HEATR5B: variants seen among roughly 807,000 people sequenced by gnomAD.
HEATR5B encodes HEAT repeat containing 5B.
A neutral mutation model predicts 224.1 loss-of-function variants in HEATR5B; 156 were observed. The observed-to-expected ratio is 0.70, with a 90% CI of 0.61 to 0.80. The LOEUF (loss-of-function observed/expected upper bound fraction) is 0.80, where lower values mean the gene tolerates loss of function less well. HEATR5B is among the 30% of genes least tolerant of loss of function. HEATR5B has a pLI of 0.00. For missense variants in HEATR5B, 2,323 were observed against 2,535.5 expected (o/e 0.92, Z 1.80); for synonymous variants, 1,027 against 893.0 (o/e 1.15, Z -2.68).
At position 37,020,793 on chromosome 2, in the gene HEATR5B, T is replaced by C; in HGVS notation, c.3897A>G (p.Ala1299=). Residue 1299 remains alanine (A), a synonymous_variant, in exon 25 of 36, where the codon GCA becomes GCG. Coordinates refer to ENST00000233099, the MANE Select transcript of HEATR5B (RefSeq NM_019024.3). ...TGCTATGATCAGTTGCAGCCATGAA[T>C]GCCATGCGAATGAGGTCAGAGAGAT... The part of the protein sequence containing the change: ...VLHLSDLIRM[A]FMAATDHSNQ... 2 of 1,599,846 alleles carry C rather than the reference T, an allele frequency of 1.3e-6. No homozygotes were observed. Among genetic ancestry groups the C allele is most frequent in the African/African-American group, 2.7e-5 (2 of 74,044 alleles).
At chr2:37,014,046 T>G (rs1156614376) in intron 26 of HEATR5B, 26 bp from the exon 27 acceptor site, 1 of 1,405,196 alleles carries the variant, frequency 7.1e-7, no homozygotes, top group Non-Finnish European at 9.6e-7. Context: ...TCAAAAACTT[T>G]TGTGTAAAAA....
chr2:37,021,737 A>T (rs897851108), intron 24 of HEATR5B, among the ~76,000 whole-genome samples: 1 of 151,974 alleles, frequency 6.6e-6, no homozygotes, highest in African/African-American at 2.4e-5. Context: ...ACATACAAAA[A>T]TTAGCTGGGC....
Position 37,013,924 on chromosome 2 carries a change from C to A in HEATR5B, c.4201G>T (p.Ala1401Ser). 1 of 1,612,962 alleles carries A rather than the reference C, an allele frequency of 6.2e-7. No homozygotes were observed. The highest frequency in any genetic ancestry group is 1.1e-5 in the South Asian group (1 of 90,806). The change falls in exon 27 of 36, where the codon GCT becomes TCT. Residue 1401 changes from alanine (A) to serine (S), a missense_variant. By Grantham distance (99) the Ala-to-Ser change is moderately conservative. This residue lies in a region of HEATR5B where 844 missense variants were observed against 812.9 expected (regional missense o/e 1.04). Coordinates refer to ENST00000233099, the MANE Select transcript of HEATR5B (RefSeq NM_019024.3). ...LLVSSLDKVQ[A>S]GKGSSSQLYR... ...AGCTGGCTGGAAGATCCTTTTCCAGCCTGAACTTTGTCCAGAGAAGAAACA... is the reference window on the plus strand; with the variant it reads ...AGCTGGCTGGAAGATCCTTTTCCAGACTGAACTTTGTCCAGAGAAGAAACA...
At chr2:37,080,437 G>A (rs1672484668) in intron 2 of HEATR5B, among the ~76,000 whole-genome samples, 1 of 152,204 alleles carries the variant, frequency 6.6e-6, no homozygotes, top group Admixed American at 6.5e-5. Flanking sequence ...GGTAACCATA[G>A]AGATGATAAA....
intron 1 of HEATR5B, among the ~76,000 whole-genome samples, chr2:37,083,765 A>G (rs1440818101): frequency 1.3e-5 from 2 of 152,204 alleles, no homozygotes; most frequent in African/African-American, 4.8e-5. Flanking sequence ...CTGAAGCACT[A>G]AGATCAAACA....
At chr2:37,056,921 C>T (rs1670949136) in intron 15 of HEATR5B, among the ~76,000 whole-genome samples, 1 of 152,198 alleles carries the variant, frequency 6.6e-6, no homozygotes, top group Admixed American at 6.5e-5. Context: ...GCTTTAATCA[C>T]TCTTTAAAAA....
At chr2:37,076,376 G>A (rs1040395626) in intron 4 of HEATR5B, among the ~76,000 whole-genome samples, 15 of 152,258 alleles carry the variant, frequency 9.9e-5, no homozygotes, top group Middle Eastern at 6.8e-3. Context: ...AAAGGGACAG[G>A]AAAAAGGTGA....
intron 21 of HEATR5B, 99 bp from the exon 22 acceptor site, chr2:37,032,872 A>T: frequency 5.3e-6 from 5 of 937,258 alleles, no homozygotes; most frequent in Non-Finnish European, 4.5e-6. Context: ...ATACATATAT[A>T]TGTTTTGTTT....
chr2:36,984,211 A>AT (rs1363240752), intron 35 of HEATR5B, among the ~76,000 whole-genome samples: 4 of 88,636 alleles, frequency 4.5e-5, no homozygotes. Context: ...AAAAAAAAAA[A>AT]AAAAATATAT....
At chr2:37,063,157 T>C (rs577620291) in intron 10 of HEATR5B, among the ~76,000 whole-genome samples, 2 of 152,252 alleles carry the variant, frequency 1.3e-5, no homozygotes, top group South Asian at 4.1e-4. Flanking sequence ...GAATGTGGAA[T>C]AATAGTGCTA....
In HEATR5B at chr2:37,032,685, C is replaced by T. The variant is rs1220747678; in HGVS notation, c.3305G>A (p.Cys1102Tyr). 1 of 1,614,008 alleles carries T rather than the reference C, an allele frequency of 6.2e-7. No homozygotes were observed. The highest frequency in any genetic ancestry group is 1.3e-5 in the African/African-American group (1 of 74,914). The change falls in exon 22 of 36, where the codon TGT (cysteine) becomes TAT (tyrosine). Residue 1102 changes from cysteine (C) to tyrosine (Y), a missense_variant. Transcript: ENST00000233099. ...TTTTGCCAGGCTCATGGCATATTCACATACTTCCGCTGCTTCTCTTTGTGC... is the reference window on the plus strand; with the variant it reads ...TTTTGCCAGGCTCATGGCATATTCATATACTTCCGCTGCTTCTCTTTGTGC... ...QLAQREAAEV[C>Y]EYAMSLAKNT...
chr2:37,064,993 A>T lies in HEATR5B; in HGVS notation c.1334-3T>A. The T allele has an allele frequency of 1.2e-6, 2 of 1,613,272 alleles. No individual in the cohort carries two copies. Among genetic ancestry groups the T allele is most frequent in the Non-Finnish European group, 1.7e-6 (2 of 1,179,320 alleles). On this transcript the variant is annotated splice_polypyrimidine_tract_variant and splice_region_variant and intron_variant, in intron 9 of 35. Coordinates refer to ENST00000233099, the MANE Select transcript of HEATR5B (RefSeq NM_019024.3). ...TGAAGTCACAATCTCCAAAAGCCCT[A>T]AACAAGAAATACTCAAAATATTACT...
chr2:37,056,717 CAACAAAAAAAG>C, intron 15 of HEATR5B, 102 bp from the exon 16 acceptor site: 1 of 951,942 alleles, frequency 1.1e-6, no homozygotes, highest in Non-Finnish European at 1.5e-6. Context: ...GGAGAAAAGG[CAACAAAAAAAG>C]AATGATTGGA....
chr2:37,019,762 A>T lies in HEATR5B; in HGVS notation c.4104+47T>A, dbSNP rs776865735. 3 of 1,272,160 alleles carry T rather than the reference A, an allele frequency of 2.4e-6. No individual in the cohort carries two copies. In the Admixed American group the frequency reaches 5.8e-5, roughly 25 times the overall value. 78.8% of individuals were successfully genotyped at this position (1,272,160 alleles called of 1,614,324 possible). On this transcript the variant is annotated intron_variant, in intron 26 of 35. Coordinates refer to ENST00000233099, the MANE Select transcript of HEATR5B (RefSeq NM_019024.3). ...ACACAAGTTAAATTCTAAGATATCT[A>T]TGAATGTATAGAAGACAACTATACA...
chr2:36,996,483 C>T (rs1666721630), intron 33 of HEATR5B, among the ~76,000 whole-genome samples: 1 of 149,270 alleles, frequency 6.7e-6, no homozygotes, highest in African/African-American at 2.5e-5. Context: ...ATGGTGCGAT[C>T]TCAGCTCACT....
intron 21 of HEATR5B, among the ~76,000 whole-genome samples, chr2:37,034,186 T>G (rs903753708): frequency 6.6e-6 from 1 of 151,428 alleles, no homozygotes; most frequent in African/African-American, 2.4e-5. Context: ...TTTTGTATTT[T>G]TAGTAGAGAT....
At chr2:37,078,615 A>C (rs1320517883) in intron 3 of HEATR5B, among the ~76,000 whole-genome samples, 1 of 152,150 alleles carries the variant, frequency 6.6e-6, no homozygotes, top group Non-Finnish European at 1.5e-5. Flanking sequence ...TCTAATCACA[A>C]TATATCTAGG....
chr2:37,058,424 A>G, intron 14 of HEATR5B, 27 bp downstream of exon 14: 1 of 1,355,960 alleles, frequency 7.4e-7, no homozygotes. Context: ...AAAAATTTTT[A>G]TCAGATACCA....
intron 30 of HEATR5B, 81 bp from the exon 31 acceptor site, chr2:37,003,767 C>A: frequency 3.1e-6 from 3 of 968,284 alleles, no homozygotes; most frequent in Admixed American, 3.7e-5. Flanking sequence ...TGAGAAAATA[C>A]CTATGTAAAA....
Sources: gnomAD v4.1 joint callset for allele counts (sites outside exome capture counted in the v4.1 genomes callset) on GRCh38, gnomAD v4.1.1 for gene constraint, gnomAD v4.1.1 regional missense constraint, MANE v1.5 for transcripts, NCBI Gene and HGNC (gene_info 2026-07-23, HGNC 2026-07-21) for gene names.